Variants in CNTN4 observed in about 807,000 individuals in gnomAD.
CNTN4 encodes the protein contactin-4.
CNTN4 carries 77 observed loss-of-function variants against 122.5 expected under a neutral mutation model. The observed-to-expected ratio is 0.63, with a 90% CI of 0.52 to 0.76. CNTN4 has a LOEUF of 0.76. Among genes scored for constraint, CNTN4 ranks in the 30% least tolerant of loss-of-function variants. The pLI is 0.00. For synonymous variants in CNTN4, 512 were observed against 447.0 expected (o/e 1.15, Z -1.83); for missense variants, 1,256 against 1,259.1 (o/e 1.00, Z 0.04).
chr3:2,563,440 G>T (rs1382904583), intron 3 of CNTN4, among the ~76,000 whole-genome samples: 1 of 152,034 alleles, frequency 6.6e-6, no homozygotes. Flanking sequence ...AAATAATACA[G>T]AAACTACTAT....
At chr3:2,572,082 A>C (rs981052798) in intron 4 of CNTN4, among the ~76,000 whole-genome samples, 1 of 152,176 alleles carries the variant, frequency 6.6e-6, no homozygotes, top group Non-Finnish European at 1.5e-5. Context: ...ACTACTAGAA[A>C]AGGGATTTGG....
chr3:2,346,777 G>C (rs1349192480), intron 3 of CNTN4, among the ~76,000 whole-genome samples: 1 of 152,042 alleles, frequency 6.6e-6, no homozygotes, highest in Admixed American at 6.6e-5. Context: ...TACATTTGGA[G>C]TTCTGCAGTT....
At chr3:2,147,682 C>T (rs907071690) in intron 2 of CNTN4, among the ~76,000 whole-genome samples, 6 of 152,146 alleles carry the variant, frequency 3.9e-5, no homozygotes, top group African/African-American at 1.4e-4. Context: ...CATTATCTTT[C>T]ATATTAGTCA....
At chr3:2,138,437 T>C (rs1574918677) in intron 2 of CNTN4, among the ~76,000 whole-genome samples, 1 of 152,248 alleles carries the variant, frequency 6.6e-6, no homozygotes, top group Non-Finnish European at 1.5e-5. Flanking sequence ...GCAGCTGACA[T>C]GGCTAATTTT....
At chr3:2,214,418 T>C (rs1477815342) in intron 2 of CNTN4, among the ~76,000 whole-genome samples, 1 of 152,200 alleles carries the variant, frequency 6.6e-6, no homozygotes, top group Non-Finnish European at 1.5e-5. Context: ...GATTTCCGTG[T>C]ATTTAATATT....
intron 4 of CNTN4, among the ~76,000 whole-genome samples, chr3:2,625,661 G>T (rs2082156435): frequency 6.6e-6 from 1 of 152,050 alleles, no homozygotes; most frequent in Non-Finnish European, 1.5e-5. Context: ...GCTATAACTA[G>T]ATCTGTTTAT....
chr3:3,039,913 C>A, intron 19 of CNTN4, 124 bp from the exon 20 acceptor site: 1 of 743,290 alleles, frequency 1.3e-6, no homozygotes, highest in Non-Finnish European at 2.4e-6. Flanking sequence ...AGACTGTTAA[C>A]AAAACGCCAA....
chr3:2,253,449 T>G (rs1341648335), intron 2 of CNTN4, among the ~76,000 whole-genome samples: 3 of 152,166 alleles, frequency 2.0e-5, no homozygotes, highest in Non-Finnish European at 2.9e-5. Context: ...ACAAATATTC[T>G]GCCACACGAT....
At chr3:2,628,957 A>T (rs1199131715) in intron 4 of CNTN4, among the ~76,000 whole-genome samples, 1 of 152,196 alleles carries the variant, frequency 6.6e-6, no homozygotes, top group Non-Finnish European at 1.5e-5. Flanking sequence ...GGCCTATTTG[A>T]GTAAAAATCC....
At chr3:2,223,797 C>A (rs1423528982) in intron 2 of CNTN4, among the ~76,000 whole-genome samples, 3 of 152,146 alleles carry the variant, frequency 2.0e-5, no homozygotes, top group Non-Finnish European at 4.4e-5. Context: ...TGGCTTCCCG[C>A]TTTGACACAA....
chr3:2,537,737 A>T (rs1346213956), intron 3 of CNTN4, among the ~76,000 whole-genome samples: 1 of 152,134 alleles, frequency 6.6e-6, no homozygotes, highest in Admixed American at 6.6e-5. Flanking sequence ...GAACTAAAAA[A>T]TCGCTATTCA....
intron 3 of CNTN4, among the ~76,000 whole-genome samples, chr3:2,347,160 C>A: frequency 6.6e-6 from 1 of 152,146 alleles, no homozygotes; most frequent in East Asian, 1.9e-4. Flanking sequence ...GCAAACAGCC[C>A]CAAGTGTCAT....
intron 3 of CNTN4, among the ~76,000 whole-genome samples, chr3:2,436,428 A>G (rs2048260599): frequency 6.6e-6 from 1 of 152,088 alleles, no homozygotes; most frequent in African/African-American, 2.4e-5. Flanking sequence ...TCAAGGTATG[A>G]CCTTCCTAAT....
intron 6 of CNTN4, among the ~76,000 whole-genome samples, chr3:2,812,046 G>A (rs1262534043): frequency 6.6e-6 from 1 of 152,114 alleles, no homozygotes; most frequent in Non-Finnish European, 1.5e-5. Context: ...AATACCACAT[G>A]TCCTCACTTA....
At chr3:2,334,077 C>T (rs1044002036) in intron 2 of CNTN4, among the ~76,000 whole-genome samples, 2 of 152,160 alleles carry the variant, frequency 1.3e-5, no homozygotes, top group African/African-American at 4.8e-5. Context: ...TTTAGGCTAT[C>T]CTTTGATATT....
At position 2,258,170 on chromosome 3, in the gene CNTN4, C is replaced by T. The variant is rs572070640; in HGVS notation, c.-144-81008C>T. 7.2e-5 allele frequency among the ~76,000 whole-genome samples: 11 copies of T among 152,176 alleles called. No individual in the cohort carries two copies. The South Asian group carries it at 1.0e-3, about 14-fold the overall frequency. On this transcript the variant is annotated intron_variant, in intron 2 of 24. Transcript: ENST00000418658. ...GGAGTGTAAATTAGTTCAACTATTG[C>T]GGAAGACAGTGTGGCAATTCCTCAA...
chr3:2,559,427 A>G (rs898907414), intron 3 of CNTN4, among the ~76,000 whole-genome samples: 2 of 152,056 alleles, frequency 1.3e-5, no homozygotes, highest in African/African-American at 2.4e-5. Context: ...CTAAAGAAAT[A>G]AGGGACTCAC....
At chr3:2,636,284 G>A (rs1272475866) in intron 4 of CNTN4, among the ~76,000 whole-genome samples, 2 of 152,182 alleles carry the variant, frequency 1.3e-5, no homozygotes, top group African/African-American at 4.8e-5. Context: ...TACGTCATCA[G>A]GCATCAGAAT....
rs143411999 is a variant in CNTN4 at position 2,386,541 on chromosome 3, G to C, written c.-89+47308G>C. On this transcript the variant is annotated intron_variant, in intron 3 of 24. Transcript: ENST00000418658. ...TGCATTGAAAATATTTGTTGGAAAA[G>C]ATGTTTTCATTTTTAGCAGTCATTT... Among the ~76,000 whole-genome samples, 293 of 152,320 alleles carry C rather than the reference G, an allele frequency of 1.9e-3. 1 individual carries two copies. Among genetic ancestry groups the C allele is most frequent in the African/African-American group, 6.7e-3 (279 of 41,586 alleles).
Sources: allele counts gnomAD v4.1 joint callset (sites outside exome capture counted in the v4.1 genomes callset), GRCh38; gene constraint gnomAD v4.1.1; transcripts MANE v1.5; gene names NCBI Gene and HGNC (gene_info 2026-07-23, HGNC 2026-07-21).